The following DMD variants were observed in gnomAD, a reference collection of about 807,000 sequenced individuals.
DMD encodes mutant dystrophin.
DMD carries 63 observed loss-of-function variants against 330.1 expected under a neutral mutation model. The ratio of observed to expected loss-of-function variants is 0.19; its 90% confidence interval spans 0.16 to 0.24. The LOEUF (loss-of-function observed/expected upper bound fraction) is 0.24, where lower values mean the gene tolerates loss of function less well. Ranked by LOEUF, DMD falls within the 10% of genes least tolerant of loss-of-function variation. The probability of loss-of-function intolerance (pLI) is 1.00; values close to 1 mark genes in which losing one functional copy is unlikely to be tolerated. For synonymous variants in DMD, 1,223 were observed against 959.8 expected (o/e 1.27, Z -5.07); for missense variants, 3,344 against 2,684.1 (o/e 1.25, Z -5.43).
intron 40 of DMD, chrX:32,342,603 C>A (rs1352994769): frequency 6.7e-6 from 2 of 299,138 alleles, no homozygotes; most frequent in Non-Finnish European, 1.2e-5. Flanking sequence ...TTATTAGGGA[C>A]CGTCCACATA....
intron 44 of DMD, among the ~76,000 whole-genome samples, chrX:32,030,732 A>C (rs2095876653): frequency 8.9e-6 from 1 of 112,128 alleles, no homozygotes; most frequent in South Asian, 3.7e-4. Flanking sequence ...TAAGATTTTA[A>C]TGAAATGATA....
chrX:32,665,809 T>A (rs1835243331), intron 9 of DMD, among the ~76,000 whole-genome samples: 1 of 112,252 alleles, frequency 8.9e-6, no homozygotes, highest in Non-Finnish European at 1.9e-5. Context: ...ACACTCAGCG[T>A]TGTTTCATCA....
intron 55 of DMD, among the ~76,000 whole-genome samples, chrX:31,616,738 T>C (rs924044687): frequency 1.8e-5 from 2 of 111,900 alleles, no homozygotes; most frequent in Non-Finnish European, 3.8e-5. Flanking sequence ...CAAGTTGGAT[T>C]GGAGCCACTG....
intron 2 of DMD, among the ~76,000 whole-genome samples, chrX:32,859,782 G>C (rs1291311003): frequency 1.8e-5 from 2 of 110,706 alleles, no homozygotes; most frequent in Non-Finnish European, 3.8e-5. Context: ...CCATGTCTTT[G>C]TTGCAGGTGG....
At chrX:33,197,190 C>T (rs758919719) in intron 1 of DMD, among the ~76,000 whole-genome samples, 5 of 111,483 alleles carry the variant, frequency 4.5e-5, no homozygotes, top group Non-Finnish European at 9.4e-5. Context: ...ATACCCTAGC[C>T]TTCAGAAAAC....
In DMD at chrX:32,286,591, T is replaced by C. The variant is rs770254219; in HGVS notation, c.6290+938A>G. Among the ~76,000 whole-genome samples, 6 of 111,841 alleles carry C rather than the reference T, an allele frequency of 5.4e-5. No individual in the cohort carries two copies. The East Asian group carries it at 1.4e-3, about 26-fold the overall frequency. ...CATTCTCAAGGGAATGAGATTATAG[T>C]ACCAAAGCTCTTACACTTTAGAAAA... On this transcript the variant is annotated intron_variant, in intron 43 of 78. Transcript: ENST00000357033.
chrX:31,824,261 A>AT (rs905675061), intron 49 of DMD, among the ~76,000 whole-genome samples: 1 of 108,577 alleles, frequency 9.2e-6, no homozygotes, highest in Non-Finnish European at 1.9e-5. Flanking sequence ...ATGTGGATGG[A>AT]TTTTTTTCTT....
chrX:32,358,412 C>T lies in DMD; in HGVS notation c.5325+4376G>A, dbSNP rs139711176. ...AGACAGTTGAGACAAGGAGTCTCTCCTCATTGATTCTGTCAATTTACTCAG... is the reference window on the plus strand; with the variant it reads ...AGACAGTTGAGACAAGGAGTCTCTCTTCATTGATTCTGTCAATTTACTCAG... On this transcript the variant is annotated intron_variant, in intron 37 of 78. Transcript: ENST00000357033. 7.5e-3 allele frequency among the ~76,000 whole-genome samples: 831 copies of T among 111,367 alleles called. 7 individuals are homozygous for T. Among genetic ancestry groups the T allele is most frequent in the African/African-American group, 0.026 (807 of 30,613 alleles).
chrX:31,847,411 T>C (rs1220934604), intron 48 of DMD, among the ~76,000 whole-genome samples: 1 of 111,529 alleles, frequency 9.0e-6, no homozygotes, highest in Non-Finnish European at 1.9e-5. Flanking sequence ...ATTTCTACAA[T>C]TTACCTCACT....
In DMD at chrX:33,323,888, G is replaced by A. The variant is rs958325855; in HGVS notation, c.7+15371C>T. Among the ~76,000 whole-genome samples, 5 of 110,113 alleles carry A rather than the reference G, an allele frequency of 4.5e-5. No individual in the cohort carries two copies. The East Asian group carries it at 8.6e-4, about 19-fold the overall frequency. ...CTTTATTCTTTAATGATTTGTAATC[G>A]AATGCTTCCATTTTTTCAGAAGAGA... On this transcript the variant is annotated intron_variant, in intron 1 of 17. Coordinates refer to the DMD transcript ENST00000288447.
rs201179363 is a variant in DMD at position 32,033,653 on chromosome X, G to GAAAGA, written c.6439-65140_6439-65139insTCTTT. ...AGAAAGAAAGAAAGAAAGAAAGAAA[G>GAAAGA]AAGAAAGAAAGAAAGAAAGGAAGGA... On this transcript the variant is annotated intron_variant, in intron 44 of 78. Transcript: ENST00000357033. Among the ~76,000 whole-genome samples, 348 of 58,980 alleles carry GAAAGA rather than the reference G, an allele frequency of 5.9e-3. 6 individuals are homozygous for GAAAGA. Among genetic ancestry groups the GAAAGA allele is most frequent in the Middle Eastern group, 0.025 (3 of 118 alleles). 51.2% of individuals were successfully genotyped at this position (58,980 alleles called of 115,157 possible).
chrX:31,723,737 T>C (rs911259679), intron 52 of DMD, among the ~76,000 whole-genome samples: 4 of 109,243 alleles, frequency 3.7e-5, no homozygotes, highest in Non-Finnish European at 7.6e-5. Flanking sequence ...CTGTCATCAA[T>C]TCCTGAAATA....
intron 59 of DMD, among the ~76,000 whole-genome samples, chrX:31,461,419 A>G (rs1183308021): frequency 1.8e-5 from 2 of 111,645 alleles, no homozygotes; most frequent in Non-Finnish European, 3.8e-5. Flanking sequence ...CTGAGTTTCT[A>G]CAAGCCCTCC....
chrX:33,194,232 A>T (rs1200051113), intron 1 of DMD, among the ~76,000 whole-genome samples: 3 of 110,143 alleles, frequency 2.7e-5, no homozygotes, highest in African/African-American at 9.9e-5. Flanking sequence ...TTAGAACTCT[A>T]CTCTTTTCCA....
At chrX:32,222,172 T>C (rs2097134060) in intron 43 of DMD, among the ~76,000 whole-genome samples, 1 of 112,220 alleles carries the variant, frequency 8.9e-6, no homozygotes, top group Non-Finnish European at 1.9e-5. Flanking sequence ...CATACTGTTT[T>C]CCATGTAGGT....
At chrX:31,190,910 A>G (rs2042280519) in intron 67 of DMD, among the ~76,000 whole-genome samples, 1 of 111,421 alleles carries the variant, frequency 9.0e-6, no homozygotes, top group South Asian at 3.8e-4. Context: ...CCTCTACAAC[A>G]CAGAAACTGG....
At chrX:31,984,604 C>T (rs1225475129) in intron 44 of DMD, among the ~76,000 whole-genome samples, 1 of 112,275 alleles carries the variant, frequency 8.9e-6, no homozygotes, top group African/African-American at 3.2e-5. Flanking sequence ...CTTGTACTCA[C>T]ATGATGAAAA....
At chrX:31,654,049 T>A (rs1166388835) in intron 54 of DMD, among the ~76,000 whole-genome samples, 1 of 112,098 alleles carries the variant, frequency 8.9e-6, no homozygotes, top group Admixed American at 9.5e-5. Flanking sequence ...CACTGTAGAA[T>A]TTGAAGACTC....
chrX:31,780,759 A>C (rs1023025633), intron 50 of DMD, among the ~76,000 whole-genome samples: 8 of 112,134 alleles, frequency 7.1e-5, no homozygotes, highest in African/African-American at 2.6e-4. Context: ...AGAAACAAAC[A>C]CTATGAACAC....
Sources: gnomAD v4.1 joint callset for allele counts (sites outside exome capture counted in the v4.1 genomes callset) on GRCh38, gnomAD v4.1.1 for gene constraint, MANE v1.5 for transcripts, NCBI Gene and HGNC (gene_info 2026-07-23, HGNC 2026-07-21) for gene names.